UBR2: variants seen among roughly 807,000 people sequenced by gnomAD.
The protein encoded by UBR2 is E3 ubiquitin-protein ligase UBR2.
In UBR2, 92 loss-of-function variants were observed where a neutral mutation model predicts 247.9. The ratio of observed to expected loss-of-function variants is 0.37; its 90% CI spans 0.31 to 0.44. The LOEUF (loss-of-function observed/expected upper bound fraction) is 0.44, where lower values mean the gene tolerates loss of function less well. UBR2 is among the 20% of genes least tolerant of loss of function. UBR2 has a pLI of 1.00. For missense variants in UBR2, 1,613 were observed against 2,112.6 expected (o/e 0.76, Z 4.64); for synonymous variants, 672 against 693.5 (o/e 0.97, Z 0.49).
In UBR2 at chr6:42,658,153, CT is replaced by C. The variant is rs775044874; in HGVS notation, c.2982+21del. On this transcript the variant is annotated intron_variant, in intron 27 of 46. Transcript: ENST00000372901. ...TTGAAGGTAAAATTTCCACATTCCT[CT>C]GCTTTTTGTGAGAAATATTGAATAT... 15 of 1,612,588 alleles carry C rather than the reference CT, an allele frequency of 9.3e-6. No individual in the cohort carries two copies. The Middle Eastern group carries it at 2.0e-3, about 213-fold the overall frequency.
At chr6:42,566,845 C>G (rs1357252317) in intron 1 of UBR2, among the ~76,000 whole-genome samples, 1 of 152,080 alleles carries the variant, frequency 6.6e-6, no homozygotes, top group African/African-American at 2.4e-5. Context: ...GATCCTCCTA[C>G]CTCAAAAACC....
intron 18 of UBR2, 39 bp from the exon 19 acceptor site, chr6:42,644,175 C>T: frequency 6.4e-7 from 1 of 1,571,912 alleles, no homozygotes; most frequent in Non-Finnish European, 8.5e-7. Context: ...TTTGACCTTC[C>T]TCTTTTCCTT....
chr6:42,585,207 C>G (rs1455560889), intron 2 of UBR2, among the ~76,000 whole-genome samples: 1 of 152,078 alleles, frequency 6.6e-6, no homozygotes, highest in East Asian at 1.9e-4. Context: ...TTGAGATGAT[C>G]ATAGTTTTTC....
At position 42,633,875 on chromosome 6, in the gene UBR2, C is replaced by T. The variant is rs112757673; in HGVS notation, c.1545+971C>T. Reference sequence around the variant, plus strand: ...CTTTTTGAGTAGCTGGGATTACAGGCACCTGCCACCATGCCTGGCTATTTT... The same window carrying T: ...CTTTTTGAGTAGCTGGGATTACAGGTACCTGCCACCATGCCTGGCTATTTT... On this transcript the variant is annotated intron_variant, in intron 13 of 46. Coordinates refer to ENST00000372901, the MANE Select transcript of UBR2 (RefSeq NM_001363705.2). Among the ~76,000 whole-genome samples, 1,171 of 151,718 alleles carry T rather than the reference C, an allele frequency of 7.7e-3. 12 individuals are homozygous for T. Among genetic ancestry groups the T allele is most frequent in the African/African-American group, 0.027 (1,104 of 41,338 alleles).
intron 44 of UBR2, among the ~76,000 whole-genome samples, chr6:42,686,756 C>T (rs1000319949): frequency 6.6e-6 from 1 of 152,010 alleles, no homozygotes; most frequent in South Asian, 2.1e-4. Flanking sequence ...GGCTGCCCCC[C>T]ACCTCCCGGA....
At position 42,676,062 on chromosome 6, in the gene UBR2, T is replaced by C. The variant is rs150329596; in HGVS notation, c.4258T>C (p.Leu1420=). The change falls in exon 39 of 47, where the codon TTG becomes CTG. Residue 1420 remains leucine, a synonymous_variant. Transcript: ENST00000372901. Reference sequence around the variant, plus strand: ...TCCTGTGTTTGGTGCCTAGGTGGGCTTGGTGCTTGCATTTCCTGCGTTGCA... The same window carrying C: ...TCCTGTGTTTGGTGCCTAGGTGGGCCTGGTGCTTGCATTTCCTGCGTTGCA... ...DIDMFHLLVG[L]VLAFPALQCQ... The C allele has an allele frequency of 1.9e-6, 3 of 1,611,412 alleles. No individual in the cohort carries two copies. Among genetic ancestry groups the C allele is most frequent in the African/African-American group, 2.7e-5 (2 of 74,722 alleles).
At chr6:42,685,380 A>C (rs1431695344) in intron 44 of UBR2, among the ~76,000 whole-genome samples, 1 of 147,264 alleles carries the variant, frequency 6.8e-6, no homozygotes, top group Non-Finnish European at 1.5e-5. Flanking sequence ...ACTATGTTTC[A>C]GAATAAGACA....
intron 25 of UBR2, among the ~76,000 whole-genome samples, chr6:42,655,055 T>TG (rs1336095504): frequency 2.0e-5 from 3 of 152,244 alleles, no homozygotes; most frequent in African/African-American, 7.2e-5. Flanking sequence ...TGGTCACAGC[T>TG]GGTGTAATTT....
At chr6:42,613,537 A>G (rs1288538696) in intron 8 of UBR2, among the ~76,000 whole-genome samples, 1 of 152,198 alleles carries the variant, frequency 6.6e-6, no homozygotes, top group East Asian at 1.9e-4. Context: ...AGCCTGGGTA[A>G]TATAGGGAGA....
Position 42,689,478 on chromosome 6 carries a change from CA to C in UBR2, c.5025-90del. The C allele has an allele frequency of 8.3e-7, 1 of 1,204,844 alleles. No homozygotes were observed. The highest frequency in any genetic ancestry group is 2.4e-5 in the East Asian group (1 of 42,250). 74.6% of individuals were successfully genotyped at this position (1,204,844 alleles called of 1,614,324 possible). A position where few individuals can be genotyped will look rare whatever the true frequency, so the allele number is the denominator to read the frequency against. On this transcript the variant is annotated intron_variant, in intron 45 of 46. Transcript: ENST00000372901. The surrounding 1 kb of genome is among the most constrained non-coding windows in gnomAD (Gnocchi z 4.0). Reference sequence around the variant, plus strand: ...TTCCTCCTAATAGTGGTTTAAATATCAGTACTATAAGACTTCATTCTATTTG... The same window carrying C: ...TTCCTCCTAATAGTGGTTTAAATATCGTACTATAAGACTTCATTCTATTTG...
chr6:42,678,709 A>G, intron 41 of UBR2, 40 bp downstream of exon 41: 1 of 1,585,404 alleles, frequency 6.3e-7, no homozygotes, highest in Non-Finnish European at 8.6e-7. Flanking sequence ...GAGAGTTAGT[A>G]ATCCTTTACT....
intron 11 of UBR2, among the ~76,000 whole-genome samples, chr6:42,628,743 A>G (rs1176624540): frequency 6.8e-6 from 1 of 146,486 alleles, no homozygotes; most frequent in Non-Finnish European, 1.5e-5. Context: ...AAAAAAAAAA[A>G]TAGTGCTTAT....
Position 42,687,078 on chromosome 6 carries a change from G to A in UBR2, c.4854-1138G>A, listed in dbSNP as rs569781703. On this transcript the variant is annotated intron_variant, in intron 44 of 46. Transcript: ENST00000372901. ...CAGAGACGCTCGTCACTTCCTAGAC[G>A]GGGTGGCGGCCGGGCAGAGGCTGCA... Among the ~76,000 whole-genome samples, 35 of 152,108 alleles carry A rather than the reference G, an allele frequency of 2.3e-4. 1 individual carries two copies. The South Asian group carries it at 6.0e-3, about 26-fold the overall frequency.
At chr6:42,673,520 T>C (rs558595826) in intron 36 of UBR2, among the ~76,000 whole-genome samples, 15 of 152,216 alleles carry the variant, frequency 9.9e-5, no homozygotes, top group Admixed American at 2.6e-4. Flanking sequence ...CCTTGCTTTC[T>C]GTCAGATGCG....
chr6:42,647,106 G>A (rs773975080), intron 21 of UBR2, among the ~76,000 whole-genome samples: 5 of 151,944 alleles, frequency 3.3e-5, no homozygotes, highest in Non-Finnish European at 7.4e-5. Flanking sequence ...ACAGGCATAA[G>A]CCACCACACC....
At chr6:42,571,830 CT>C (rs1791166335) in intron 1 of UBR2, among the ~76,000 whole-genome samples, 1 of 150,900 alleles carries the variant, frequency 6.6e-6, no homozygotes, top group Non-Finnish European at 1.5e-5. Context: ...AGACATTTAC[CT>C]TTGAATGAGG....
At chr6:42,688,028 G>C (rs1245176942) in intron 44 of UBR2, among the ~76,000 whole-genome samples, 188 bp from the exon 45 acceptor site, 2 of 151,826 alleles carry the variant, frequency 1.3e-5, no homozygotes, top group African/African-American at 2.4e-5. Flanking sequence ...TCCAGTACAT[G>C]GTCTTTGTAT....
intron 11 of UBR2, among the ~76,000 whole-genome samples, chr6:42,632,018 C>T (rs1427693567): frequency 7.1e-6 from 1 of 141,446 alleles, no homozygotes; most frequent in Non-Finnish European, 1.5e-5. Flanking sequence ...AGGAGACTCC[C>T]TGTTGCATTT....
rs566973677 is a variant in UBR2, at chr6:42,662,358, G to T, written c.3536+81G>T. The T allele has an allele frequency of 7.9e-6, 7 of 890,358 alleles. No individual in the cohort carries two copies. The African/African-American group carries it at 1.0e-4, about 13-fold the overall frequency. The allele number at this position is 890,358 out of a possible 1,614,324, so 55.2% of individuals were successfully genotyped here. A position where few individuals can be genotyped will look rare whatever the true frequency, so the allele number is the denominator to read the frequency against. On this transcript the variant is annotated intron_variant, in intron 31 of 46. Coordinates refer to ENST00000372901, the MANE Select transcript of UBR2 (RefSeq NM_001363705.2). ...TTTAAATAGAGGAAATTTCATTCTA[G>T]AAAAAAGGAAAAGAACTAAAAATGT...
Sources: allele counts gnomAD v4.1 joint callset (sites outside exome capture counted in the v4.1 genomes callset), GRCh38; gene constraint gnomAD v4.1.1; non-coding constraint Gnocchi (gnomAD v3.1); transcripts MANE v1.5; gene names NCBI Gene and HGNC (gene_info 2026-07-23, HGNC 2026-07-21).